SCN7A: variants seen among roughly 807,000 people sequenced by gnomAD.
SCN7A encodes the protein sodium channel protein type 7 subunit alpha.
Under a neutral mutation model 155.2 loss-of-function variants are expected in SCN7A, and 138 were observed. The observed-to-expected ratio is 0.89, with a 90% CI of 0.77 to 1.02. The LOEUF (loss-of-function observed/expected upper bound fraction) is 1.02, where lower values mean the gene tolerates loss of function less well. Among genes scored for constraint, SCN7A ranks in the 50% least tolerant of loss-of-function variants. The pLI is 0.00. For synonymous variants in SCN7A, 693 were observed against 649.0 expected (o/e 1.07, Z -1.03); for missense variants, 2,058 against 1,986.6 (o/e 1.04, Z -0.68).
At chr2:166,450,213 C>A (rs1702147606) in intron 11 of SCN7A, among the ~76,000 whole-genome samples, 2 of 152,126 alleles carry the variant, frequency 1.3e-5, no homozygotes, top group African/African-American at 4.8e-5. Context: ...AATGCAGGAA[C>A]AGAAAACCAA....
intron 14 of SCN7A, among the ~76,000 whole-genome samples, chr2:166,443,160 TACTC>T (rs1479862232): frequency 6.6e-6 from 1 of 152,162 alleles, no homozygotes; most frequent in South Asian, 2.1e-4. Flanking sequence ...CATTTAGAAA[TACTC>T]ACCTTATTTC....
chr2:166,486,524 A>C (rs767843339), intron 2 of SCN7A, among the ~76,000 whole-genome samples: 3 of 152,216 alleles, frequency 2.0e-5, no homozygotes, highest in Non-Finnish European at 4.4e-5. Flanking sequence ...GCTGGTACTG[A>C]GAGCTATAGA....
At position 166,416,904 on chromosome 2, in the gene SCN7A, T is replaced by C; in HGVS notation, c.3217A>G (p.Ser1073Gly). 6.2e-7 allele frequency: 1 copy of C among 1,613,030 alleles called. No homozygotes were observed. The highest frequency in any genetic ancestry group is 2.2e-5 in the East Asian group (1 of 44,776). ...GCAAATAAGTCTACTCCCATGATAC[T>C]AAAAATCAGCCAGATCATCAGGCAG... is the stretch of plus-strand genomic sequence containing the variant. ...LVCLMIWLIF[S>G]IMGVDLFAGR... is the part of the protein sequence containing the mutation. Residue 1073 changes from serine (S) to glycine (G), a missense_variant, in exon 21 of 26, where the codon AGT (serine) becomes GGT (glycine). Ser to Gly is a moderately conservative substitution (Grantham distance 56). Transcript: ENST00000643258.
intron 7 of SCN7A, among the ~76,000 whole-genome samples, chr2:166,467,442 A>T (rs2105489410): frequency 6.6e-6 from 1 of 150,390 alleles, no homozygotes; most frequent in South Asian, 2.1e-4. Flanking sequence ...CTTAAAGAAA[A>T]ATATATGTCT....
intron 2 of SCN7A, among the ~76,000 whole-genome samples, chr2:166,482,240 C>T (rs1359884226): frequency 6.6e-6 from 1 of 151,834 alleles, no homozygotes; most frequent in Non-Finnish European, 1.5e-5. Flanking sequence ...AAAAGTATTA[C>T]TAAACTAAGT....
At chr2:166,429,409 C>A (rs182745418) in intron 16 of SCN7A, 135 bp from the exon 17 acceptor site, 191 of 602,020 alleles carry the variant, frequency 3.2e-4, no homozygotes, top group Non-Finnish European at 5.0e-4. Flanking sequence ...AGACTTAAGG[C>A]CAATTTCATG....
intron 23 of SCN7A, among the ~76,000 whole-genome samples, chr2:166,411,026 T>C (rs193033787): frequency 1.3e-5 from 2 of 152,080 alleles, no homozygotes; most frequent in East Asian, 3.9e-4. Flanking sequence ...TCCTACAGGG[T>C]TGATATTCGT....
Position 166,406,540 on chromosome 2 carries a change from T to G in SCN7A, c.4089A>C (p.Pro1363=), listed in dbSNP as rs1452833345. 2 of 1,612,868 alleles carry G rather than the reference T, an allele frequency of 1.2e-6. No individual in the cohort carries two copies. Among genetic ancestry groups the G allele is most frequent in the Admixed American group, 3.3e-5 (2 of 59,834 alleles). The change falls in exon 26 of 26, where the codon CCA becomes CCC. Residue 1363 remains proline (P), a synonymous_variant. Transcript: ENST00000643258. The part of the protein sequence containing the change: ...IIHMLRLGKG[P]KVFHNLMLPL... ...GAAGCATCAGATTATGAAACACCTT[T>G]GGTCCTTTTCCAAGACGCAGCATGT...
intron 10 of SCN7A, chr2:166,461,885 CA>C (rs1702417517): frequency 6.6e-6 from 1 of 152,450 alleles, no homozygotes; most frequent in Admixed American, 6.5e-5. Context: ...ATCAGGAGAT[CA>C]AGACCATCCT....
At chr2:166,412,994 G>T in intron 22 of SCN7A, 74 bp downstream of exon 22, 1 of 1,003,938 alleles carries the variant, frequency 1.0e-6, no homozygotes, top group Non-Finnish European at 1.5e-6. Context: ...ATTATTACTG[G>T]TGTCCTGTGC....
chr2:166,467,775 G>A (rs1702569290), intron 7 of SCN7A, among the ~76,000 whole-genome samples: 1 of 151,660 alleles, frequency 6.6e-6, no homozygotes, highest in Non-Finnish European at 1.5e-5. Context: ...GCTTAAGTAA[G>A]TCTATTATAG....
At chr2:166,475,858 T>A (rs1195797733) in intron 3 of SCN7A, among the ~76,000 whole-genome samples, 11 of 151,996 alleles carry the variant, frequency 7.2e-5, no homozygotes, top group Admixed American at 7.2e-4. Context: ...TCCGTGCAGT[T>A]CTTGCTCCAG....
At chr2:166,457,726 GACTA>G (rs1419662818) in intron 10 of SCN7A, among the ~76,000 whole-genome samples, 1 of 152,090 alleles carries the variant, frequency 6.6e-6, no homozygotes, top group Non-Finnish European at 1.5e-5. Flanking sequence ...ACACAGCACT[GACTA>G]GCTTTTTATT....
At chr2:166,442,410 A>G (rs527569816) in intron 14 of SCN7A, among the ~76,000 whole-genome samples, 2 of 151,862 alleles carry the variant, frequency 1.3e-5, no homozygotes, top group South Asian at 4.2e-4. Context: ...TGTTTGTTTG[A>G]CAGAGTCTCT....
chr2:166,404,643 T>C lies in SCN7A; in HGVS notation c.*937A>G, dbSNP rs1054827118. On this transcript the variant is annotated 3_prime_UTR_variant, in exon 26 of 26. Transcript: ENST00000643258. ...TATACATAATGGTAGTTCTCAACTC[T>C]TCTAATTCATGTTTAAACATACATT... 2 of 151,812 alleles carry C rather than the reference T, an allele frequency of 1.3e-5. No homozygotes were observed. Among genetic ancestry groups the C allele is most frequent in the Non-Finnish European group, 2.9e-5 (2 of 67,888 alleles). The allele number at this position is 151,812 out of a possible 1,614,324, so 9.4% of individuals were successfully genotyped here.
chr2:166,432,022 T>C (rs889812387), intron 16 of SCN7A, among the ~76,000 whole-genome samples: 6 of 152,102 alleles, frequency 3.9e-5, no homozygotes, highest in Admixed American at 3.9e-4. Context: ...AATTATATCA[T>C]CTAATGTTTC....
intron 9 of SCN7A, among the ~76,000 whole-genome samples, chr2:166,465,190 C>G (rs1702501785): frequency 6.6e-6 from 1 of 152,132 alleles, no homozygotes; most frequent in Non-Finnish European, 1.5e-5. Context: ...AGAGGACAGG[C>G]CTTCACCAGA....
intron 16 of SCN7A, among the ~76,000 whole-genome samples, chr2:166,431,255 T>A (rs1701726371): frequency 6.6e-6 from 1 of 152,094 alleles, no homozygotes; most frequent in African/African-American, 2.4e-5. Context: ...GGTAAATGAA[T>A]CTTAGACTAT....
intron 10 of SCN7A, among the ~76,000 whole-genome samples, chr2:166,457,392 CTT>C (rs1436426784): frequency 6.6e-6 from 1 of 152,124 alleles, no homozygotes; most frequent in Non-Finnish European, 1.5e-5. Flanking sequence ...ATTGTCATCT[CTT>C]GATATAGAAA....
Sources: allele counts gnomAD v4.1 joint callset (sites outside exome capture counted in the v4.1 genomes callset), GRCh38; gene constraint gnomAD v4.1.1; transcripts MANE v1.5; gene names NCBI Gene and HGNC (gene_info 2026-07-23, HGNC 2026-07-21).